ZNF385B: variants seen among roughly 807,000 people sequenced by gnomAD.
ZNF385B encodes the protein zinc finger protein 533.
Under a neutral mutation model 39.2 loss-of-function variants are expected in ZNF385B, and 23 were observed. That is an observed-to-expected ratio of 0.59 (90% CI 0.42 to 0.83). ZNF385B has a LOEUF of 0.83. Ranked by LOEUF, ZNF385B falls within the 40% of genes least tolerant of loss-of-function variation. ZNF385B has a pLI of 0.00. For synonymous variants in ZNF385B, 205 were observed against 222.6 expected (o/e 0.92, Z 0.70); for missense variants, 552 against 598.9 (o/e 0.92, Z 0.82).
chr2:179,803,150 G>A (rs1475554849), intron 1 of ZNF385B, among the ~76,000 whole-genome samples: 4 of 152,150 alleles, frequency 2.6e-5, no homozygotes, highest in Admixed American at 2.6e-4. Context: ...TGATTTGGAT[G>A]AAATTAAAAT....
intron 3 of ZNF385B, among the ~76,000 whole-genome samples, chr2:179,760,256 GTA>G (rs1703301163): frequency 1.3e-5 from 2 of 151,008 alleles, no homozygotes; most frequent in African/African-American, 4.9e-5. Context: ...GTGTGTGTGT[GTA>G]TGACCTGTGT....
intron 3 of ZNF385B, among the ~76,000 whole-genome samples, chr2:179,754,898 G>T (rs1252568093): frequency 6.6e-6 from 1 of 151,936 alleles, no homozygotes; most frequent in South Asian, 2.1e-4. Flanking sequence ...GGATTCATTG[G>T]TTTTTTGAAG....
chr2:179,589,158 C>A (rs1267647658), intron 3 of ZNF385B, among the ~76,000 whole-genome samples: 1 of 152,166 alleles, frequency 6.6e-6, no homozygotes, highest in Non-Finnish European at 1.5e-5. Context: ...GAAGGTATGT[C>A]AGCTTTAATT....
At chr2:179,501,721 A>G (rs1413505769) in intron 5 of ZNF385B, among the ~76,000 whole-genome samples, 1 of 152,178 alleles carries the variant, frequency 6.6e-6, no homozygotes, top group Non-Finnish European at 1.5e-5. Flanking sequence ...ACATTTTAAA[A>G]TTACTTAAAA....
chr2:179,550,119 T>C lies in ZNF385B; in HGVS notation c.299-5150A>G, dbSNP rs370629261. Among the ~76,000 whole-genome samples the C allele has an allele frequency of 2.7e-5, 4 of 149,750 alleles. No individual in the cohort carries two copies. In the East Asian group the frequency reaches 7.7e-4, roughly 29 times the overall value. ...TAAAAAACAGAGATATTTCTTATGT[T>C]AGCCCAATGGCCTATTTTATTATTA... is the stretch of plus-strand genomic sequence containing the variant. On this transcript the variant is annotated intron_variant, in intron 3 of 9. Coordinates refer to ENST00000410066, the MANE Select transcript of ZNF385B (RefSeq NM_152520.6).
intron 5 of ZNF385B, among the ~76,000 whole-genome samples, chr2:179,514,752 A>G (rs1339210530): frequency 6.7e-6 from 1 of 150,278 alleles, no homozygotes; most frequent in Non-Finnish European, 1.5e-5. Context: ...AGATGAGGAA[A>G]GGGATAGTTT....
At chr2:179,662,150 C>CA (rs1308633059) in intron 3 of ZNF385B, among the ~76,000 whole-genome samples, 1 of 152,112 alleles carries the variant, frequency 6.6e-6, no homozygotes, top group Non-Finnish European at 1.5e-5. Flanking sequence ...CAATCCATTG[C>CA]ATGAAAGGAC....
At chr2:179,500,473 G>A (rs2056654959) in intron 5 of ZNF385B, among the ~76,000 whole-genome samples, 2 of 152,052 alleles carry the variant, frequency 1.3e-5, no homozygotes, top group East Asian at 1.9e-4. Flanking sequence ...TTTTAACAAA[G>A]GTGCCAATAA....
At chr2:179,808,738 C>A (rs1432908191) in intron 1 of ZNF385B, among the ~76,000 whole-genome samples, 1 of 152,100 alleles carries the variant, frequency 6.6e-6, no homozygotes, top group East Asian at 1.9e-4. Context: ...TGTGTCTAGG[C>A]CCTTAACTTT....
intron 5 of ZNF385B, among the ~76,000 whole-genome samples, chr2:179,489,177 G>A (rs978584839): frequency 1.3e-5 from 2 of 152,142 alleles, no homozygotes; most frequent in African/African-American, 4.8e-5. Context: ...AAGGTATTAC[G>A]GGCAAAGGGA....
At chr2:179,621,323 C>G (rs927165571) in intron 3 of ZNF385B, among the ~76,000 whole-genome samples, 1 of 152,074 alleles carries the variant, frequency 6.6e-6, no homozygotes, top group African/African-American at 2.4e-5. Context: ...TAGTCTAGGT[C>G]TTTATAAATT....
At chr2:179,822,262 G>C (rs866673172) in intron 1 of ZNF385B, among the ~76,000 whole-genome samples, 22 of 152,212 alleles carry the variant, frequency 1.4e-4, no homozygotes, top group Admixed American at 2.6e-4. Context: ...TTCCAAGTGG[G>C]AGGTCATTTC....
chr2:179,655,214 G>T (rs1268302045), intron 3 of ZNF385B, among the ~76,000 whole-genome samples: 1 of 152,086 alleles, frequency 6.6e-6, no homozygotes, highest in East Asian at 1.9e-4. Flanking sequence ...CTGTTGTCAA[G>T]TCAAGAATTA....
At chr2:179,473,563 G>A (rs1480437161) in intron 6 of ZNF385B, among the ~76,000 whole-genome samples, 5 of 152,236 alleles carry the variant, frequency 3.3e-5, no homozygotes, top group South Asian at 2.1e-4. Context: ...TGGGATACAC[G>A]TGCAGAACGT....
chr2:179,547,015 T>C (rs955755577), intron 3 of ZNF385B, among the ~76,000 whole-genome samples: 1 of 149,944 alleles, frequency 6.7e-6, no homozygotes, highest in Non-Finnish European at 1.5e-5. Context: ...TGTTTGCCAT[T>C]TGTATGTCTT....
chr2:179,509,463 T>G (rs980909545), intron 5 of ZNF385B, among the ~76,000 whole-genome samples: 1 of 152,218 alleles, frequency 6.6e-6, no homozygotes, highest in Non-Finnish European at 1.5e-5. Context: ...AATATGTCCC[T>G]GCTCCCTGTA....
intron 3 of ZNF385B, among the ~76,000 whole-genome samples, chr2:179,590,171 T>A (rs923825441): frequency 6.6e-6 from 1 of 152,178 alleles, no homozygotes; most frequent in Admixed American, 6.5e-5. Flanking sequence ...TATAGGGTTA[T>A]CAGCATTGAA....
intron 3 of ZNF385B, among the ~76,000 whole-genome samples, chr2:179,549,261 A>G (rs2060421262): frequency 6.7e-6 from 1 of 149,730 alleles, no homozygotes; most frequent in South Asian, 2.1e-4. Context: ...ATTATAAACA[A>G]TGCTACTTTG....
chr2:179,794,971 T>A (rs1480086934), intron 1 of ZNF385B, among the ~76,000 whole-genome samples: 1 of 151,994 alleles, frequency 6.6e-6, no homozygotes, highest in East Asian at 1.9e-4. Flanking sequence ...GGAGAATTTT[T>A]AAAAAATGAA....
Sources: gnomAD v4.1 joint callset for allele counts (sites outside exome capture counted in the v4.1 genomes callset) on GRCh38, gnomAD v4.1.1 for gene constraint, MANE v1.5 for transcripts, NCBI Gene and HGNC (gene_info 2026-07-23, HGNC 2026-07-21) for gene names.